The following SGMS1 variants were observed in gnomAD, a reference collection of about 807,000 sequenced individuals.
SGMS1 encodes sphingomyelin synthase 1, also known as phosphatidylcholine:ceramide cholinephosphotransferase 1.
SGMS1 carries 13 observed loss-of-function variants against 46.2 expected under a neutral mutation model. The ratio of observed to expected loss-of-function variants is 0.28; its 90% CI spans 0.18 to 0.45. SGMS1 has a LOEUF of 0.45. Among genes scored for constraint, SGMS1 ranks in the 20% least tolerant of loss-of-function variants. SGMS1 has a pLI of 1.00. For missense variants in SGMS1, 324 were observed against 519.9 expected (o/e 0.62, Z 3.66); for synonymous variants, 203 against 187.8 (o/e 1.08, Z -0.66).
At chr10:50,624,541 G>A (rs527515285), upstream of SGMS1, 5 of 968,156 alleles carry the variant, frequency 5.2e-6, no homozygotes, top group East Asian at 1.1e-4. Flanking sequence ...GGAGGCGCAA[G>A]AGCTCTAACC....
chr10:50,376,940 C>G (rs985939469), intron 6 of SGMS1, among the ~76,000 whole-genome samples: 6 of 152,078 alleles, frequency 3.9e-5, no homozygotes, highest in African/African-American at 1.4e-4. Context: ...AAAAAGGTTA[C>G]TCATATCCAG....
At chr10:50,518,163 CAGA>C (rs1837825585) in intron 3 of SGMS1, among the ~76,000 whole-genome samples, 1 of 152,072 alleles carries the variant, frequency 6.6e-6, no homozygotes, top group Non-Finnish European at 1.5e-5. Flanking sequence ...CATCTATGTA[CAGA>C]AGGAGGGAGT....
chr10:50,608,596 A>G (rs1278204439), intron 1 of SGMS1, among the ~76,000 whole-genome samples: 1 of 152,178 alleles, frequency 6.6e-6, no homozygotes, highest in Non-Finnish European at 1.5e-5. Context: ...CAAGGAAGAT[A>G]GTATTATCAT....
At chr10:50,518,447 A>T (rs572546556) in intron 3 of SGMS1, among the ~76,000 whole-genome samples, 2 of 152,288 alleles carry the variant, frequency 1.3e-5, no homozygotes, top group East Asian at 3.9e-4. Flanking sequence ...TGTTTTTGAG[A>T]TGGTGTTTCG....
intron 2 of SGMS1, among the ~76,000 whole-genome samples, chr10:50,551,297 T>C (rs1838146864): frequency 6.6e-6 from 1 of 151,430 alleles, no homozygotes; most frequent in Admixed American, 6.6e-5. Context: ...ATCTAATCAT[T>C]AGAAAAGCAT....
At chr10:50,499,995 C>T (rs1429595782) in intron 3 of SGMS1, among the ~76,000 whole-genome samples, 9 of 152,102 alleles carry the variant, frequency 5.9e-5, no homozygotes, top group South Asian at 2.1e-4. Flanking sequence ...GGTGAAATCC[C>T]GTCTCTACTG....
At chr10:50,513,028 T>C (rs1431592684) in intron 3 of SGMS1, among the ~76,000 whole-genome samples, 1 of 152,198 alleles carries the variant, frequency 6.6e-6, no homozygotes, top group East Asian at 1.9e-4. Context: ...TCACTTGTAA[T>C]TTTTGTAGTA....
At chr10:50,569,603 C>T (rs1838319990) in intron 2 of SGMS1, among the ~76,000 whole-genome samples, 1 of 152,114 alleles carries the variant, frequency 6.6e-6, no homozygotes, top group East Asian at 1.9e-4. Flanking sequence ...GTTTAGTGCA[C>T]TGTGGGGTAG....
chr10:50,521,454 A>C lies in SGMS1; in HGVS notation c.-588-1533T>G, dbSNP rs528268236. On this transcript the variant is annotated intron_variant, in intron 2 of 10. Transcript: ENST00000361781. ...TATAGCTATCAGCCTTAGTAAATTT[A>C]AAAGTTATATAATAGTTTAATCTAC... 6.0e-4 allele frequency among the ~76,000 whole-genome samples: 91 copies of C among 152,284 alleles called. 1 individual carries two copies. The highest frequency in any genetic ancestry group is 2.1e-3 in the African/African-American group (87 of 41,580).
intron 2 of SGMS1, among the ~76,000 whole-genome samples, chr10:50,524,404 C>T (rs931542247): frequency 6.6e-6 from 1 of 152,204 alleles, no homozygotes; most frequent in Admixed American, 6.5e-5. Flanking sequence ...CTTTATGCTC[C>T]ATCACTAGTG....
At chr10:50,408,221 T>C (rs889779088) in intron 6 of SGMS1, among the ~76,000 whole-genome samples, 1 of 152,182 alleles carries the variant, frequency 6.6e-6, no homozygotes, top group Non-Finnish European at 1.5e-5. Flanking sequence ...CTGGTGGTGT[T>C]CTTGTATGCT....
intron 5 of SGMS1, among the ~76,000 whole-genome samples, chr10:50,441,118 C>A (rs1849541839): frequency 6.6e-6 from 1 of 152,208 alleles, no homozygotes; most frequent in South Asian, 2.1e-4. Flanking sequence ...GAAACCTCCA[C>A]TCCCTCAGTT....
intron 6 of SGMS1, among the ~76,000 whole-genome samples, chr10:50,393,364 A>T (rs1389921043): frequency 6.6e-6 from 1 of 152,190 alleles, no homozygotes; most frequent in Non-Finnish European, 1.5e-5. Context: ...AGGAAAGGCA[A>T]AAAGATCCAA....
At chr10:50,387,079 C>T (rs951018205) in intron 6 of SGMS1, among the ~76,000 whole-genome samples, 5 of 152,104 alleles carry the variant, frequency 3.3e-5, no homozygotes, top group African/African-American at 1.2e-4. Flanking sequence ...GGCTCCAAAG[C>T]CTGTGTGCTC....
chr10:50,366,441 C>G (rs1012403867), intron 6 of SGMS1, among the ~76,000 whole-genome samples: 1 of 151,936 alleles, frequency 6.6e-6, no homozygotes, highest in Admixed American at 6.6e-5. Context: ...CCCAGCAATC[C>G]CATTACTGGG....
intron 3 of SGMS1, among the ~76,000 whole-genome samples, chr10:50,508,423 C>T (rs1007135214): frequency 5.3e-5 from 8 of 152,140 alleles, no homozygotes; most frequent in East Asian, 1.9e-4. Context: ...CTTCAGCTCA[C>T]GTTTCTCATC....
intron 6 of SGMS1, among the ~76,000 whole-genome samples, chr10:50,408,439 A>AC (rs1306337155): frequency 8.0e-5 from 12 of 150,120 alleles, no homozygotes; most frequent in African/African-American, 2.7e-4. Flanking sequence ...CTTAAAAAAA[A>AC]AAAAAAAAAA....
intron 2 of SGMS1, among the ~76,000 whole-genome samples, chr10:50,564,561 C>G (rs1588878544): frequency 6.6e-6 from 1 of 152,126 alleles, no homozygotes; most frequent in Admixed American, 6.5e-5. Flanking sequence ...GTAGCAAAGT[C>G]ATTTGTTTAT....
At chr10:50,388,176 A>T (rs886522656) in intron 6 of SGMS1, among the ~76,000 whole-genome samples, 9 of 152,192 alleles carry the variant, frequency 5.9e-5, no homozygotes, top group Non-Finnish European at 8.8e-5. Context: ...TGAAAGCAAC[A>T]TCCACTATCT....
Sources: allele counts gnomAD v4.1 joint callset (sites outside exome capture counted in the v4.1 genomes callset), GRCh38; gene constraint gnomAD v4.1.1; transcripts MANE v1.5; gene names NCBI Gene and HGNC (gene_info 2026-07-23, HGNC 2026-07-21).